The following ARHGAP42 variants were observed in gnomAD, a reference collection of about 807,000 sequenced individuals.
ARHGAP42 encodes Rho GTPase activating protein 42.
Under a neutral mutation model 125.0 loss-of-function variants are expected in ARHGAP42, and 63 were observed. The observed-to-expected ratio is 0.50, with a 90% CI of 0.41 to 0.62. ARHGAP42 has a LOEUF of 0.62. ARHGAP42 is among the 20% of genes least tolerant of loss of function. ARHGAP42 has a pLI of 0.00. For synonymous variants in ARHGAP42, 339 were observed against 351.0 expected (o/e 0.97, Z 0.38); for missense variants, 766 against 1,024.2 (o/e 0.75, Z 3.44).
At chr11:100,927,313 T>G (rs1364332044) in intron 6 of ARHGAP42, among the ~76,000 whole-genome samples, 1 of 151,998 alleles carries the variant, frequency 6.6e-6, no homozygotes, top group East Asian at 1.9e-4. Flanking sequence ...CAGTTAGCTT[T>G]AATTTAGTAA....
chr11:100,747,202 G>T (rs1001363093), intron 1 of ARHGAP42, among the ~76,000 whole-genome samples: 3 of 152,112 alleles, frequency 2.0e-5, no homozygotes, highest in Non-Finnish European at 2.9e-5. Context: ...TAAATGTGGG[G>T]ACATCAAGAG....
chr11:100,929,128 G>A (rs1174825648), intron 6 of ARHGAP42, among the ~76,000 whole-genome samples: 4 of 152,134 alleles, frequency 2.6e-5, no homozygotes, highest in Non-Finnish European at 5.9e-5. Flanking sequence ...GAAAAAATTG[G>A]TGAGGAGGGA....
chr11:100,765,500 A>T (rs192866878), intron 1 of ARHGAP42, among the ~76,000 whole-genome samples: 1 of 152,238 alleles, frequency 6.6e-6, no homozygotes, highest in East Asian at 1.9e-4. Flanking sequence ...AATGGGTGTG[A>T]TGGCATCTAG....
chr11:100,884,622 G>T (rs1866041668), intron 4 of ARHGAP42, among the ~76,000 whole-genome samples: 1 of 152,130 alleles, frequency 6.6e-6, no homozygotes, highest in Admixed American at 6.5e-5. Flanking sequence ...ACGCAAAGCA[G>T]AGCTTCGTGG....
intron 22 of ARHGAP42, chr11:100,986,089 T>TTA (rs1233075441): frequency 2.2e-6 from 1 of 456,558 alleles, no homozygotes; most frequent in Non-Finnish European, 4.4e-6. Context: ...ATTTCCTGAG[T>TTA]TATACTACTA....
At chr11:100,689,890 C>T (rs1044049335) in intron 1 of ARHGAP42, among the ~76,000 whole-genome samples, 1 of 152,070 alleles carries the variant, frequency 6.6e-6, no homozygotes, top group Non-Finnish European at 1.5e-5. Flanking sequence ...TGATTTTTTT[C>T]GTACCAAGCC....
chr11:100,863,543 G>A (rs1044530813), intron 4 of ARHGAP42, among the ~76,000 whole-genome samples: 1 of 152,210 alleles, frequency 6.6e-6, no homozygotes, highest in South Asian at 2.1e-4. Context: ...TGCTGTGAAA[G>A]TGAGGCTCTT....
chr11:100,922,626 T>C (rs933347869), intron 6 of ARHGAP42, among the ~76,000 whole-genome samples: 6 of 152,202 alleles, frequency 3.9e-5, no homozygotes, highest in Admixed American at 6.5e-5. Context: ...AATAAAATAC[T>C]CTGTTTCTAT....
At chr11:100,972,048 C>G (rs1287631323) in intron 17 of ARHGAP42, among the ~76,000 whole-genome samples, 1 of 152,142 alleles carries the variant, frequency 6.6e-6, no homozygotes, top group Non-Finnish European at 1.5e-5. Context: ...GAAGTAAATG[C>G]TTTCTTAGCT....
intron 2 of ARHGAP42, among the ~76,000 whole-genome samples, chr11:100,778,537 T>C (rs982003418): frequency 6.6e-6 from 1 of 152,144 alleles, no homozygotes; most frequent in African/African-American, 2.4e-5. Flanking sequence ...TAGCTCTCAG[T>C]TGGACAATTG....
chr11:100,738,269 C>T (rs1214631597), intron 1 of ARHGAP42, among the ~76,000 whole-genome samples: 6 of 152,068 alleles, frequency 3.9e-5, no homozygotes, highest in East Asian at 3.9e-4. Flanking sequence ...AATATAGTAA[C>T]GTGGAAGCGG....
At chr11:100,811,867 G>A (rs1864152389) in intron 3 of ARHGAP42, among the ~76,000 whole-genome samples, 1 of 152,146 alleles carries the variant, frequency 6.6e-6, no homozygotes, top group African/African-American at 2.4e-5. Context: ...GATTAGCCCT[G>A]AGTTCACTAC....
chr11:100,813,747 G>C (rs569941276), intron 3 of ARHGAP42, among the ~76,000 whole-genome samples: 1 of 152,106 alleles, frequency 6.6e-6, no homozygotes, highest in Non-Finnish European at 1.5e-5. Flanking sequence ...CAATCCACTT[G>C]CTTTCTCTGA....
intron 3 of ARHGAP42, among the ~76,000 whole-genome samples, chr11:100,803,230 G>C (rs751388714): frequency 1.5e-3 from 226 of 151,134 alleles, no homozygotes; most frequent in Admixed American, 3.4e-3. Context: ...AAAAAAATTG[G>C]ATAGATTTAG....
chr11:100,924,409 G>A (rs1867362837), intron 6 of ARHGAP42, among the ~76,000 whole-genome samples: 1 of 152,028 alleles, frequency 6.6e-6, no homozygotes, highest in Admixed American at 6.6e-5. Context: ...GCTCATGCCT[G>A]TAATCCCAGC....
At chr11:100,775,858 T>TA (rs1352719476) in intron 2 of ARHGAP42, among the ~76,000 whole-genome samples, 13 of 152,150 alleles carry the variant, frequency 8.5e-5, no homozygotes, top group Non-Finnish European at 1.6e-4. Context: ...CTCTAGGTTT[T>TA]AAAAAAATTT....
intron 5 of ARHGAP42, among the ~76,000 whole-genome samples, chr11:100,920,040 G>A (rs188208837): frequency 4.6e-5 from 7 of 152,230 alleles, no homozygotes; most frequent in East Asian, 1.9e-4. Context: ...TCCAATAAGC[G>A]ATGGTAAGAA....
intron 1 of ARHGAP42, among the ~76,000 whole-genome samples, chr11:100,702,948 C>T (rs1861421616): frequency 9.6e-6 from 1 of 103,762 alleles, no homozygotes; most frequent in South Asian, 2.7e-4. Context: ...AGGCATGAGC[C>T]ACTGTAATCC....
intron 4 of ARHGAP42, among the ~76,000 whole-genome samples, chr11:100,904,765 A>G (rs1324779662): frequency 2.6e-5 from 4 of 152,242 alleles, no homozygotes; most frequent in Non-Finnish European, 5.9e-5. Context: ...AATTTTAATT[A>G]TCTGCTGTGC....
Sources: allele counts gnomAD v4.1 joint callset (sites outside exome capture counted in the v4.1 genomes callset), GRCh38; gene constraint gnomAD v4.1.1; transcripts MANE v1.5; gene names NCBI Gene and HGNC (gene_info 2026-07-23, HGNC 2026-07-21).